Variants in PTPRD observed in about 807,000 individuals in gnomAD.
PTPRD encodes the protein receptor-type tyrosine-protein phosphatase delta.
In PTPRD, 34 loss-of-function variants were observed where a neutral mutation model predicts 214.5. That is an observed-to-expected ratio of 0.16 (90% CI 0.12 to 0.21). PTPRD has a LOEUF of 0.21. Among genes scored for constraint, PTPRD ranks in the 10% least tolerant of loss-of-function variants. The pLI is 1.00. For missense variants in PTPRD, 2,545 were observed against 2,398.7 expected (o/e 1.06, Z -1.27); for synonymous variants, 1,128 against 845.7 (o/e 1.33, Z -5.79).
At position 9,348,974 on chromosome 9, in the gene PTPRD, G is replaced by C. The variant is rs75447980; in HGVS notation, c.-203+48475C>G. On this transcript the variant is annotated intron_variant, in intron 9 of 45. Coordinates refer to ENST00000381196, the MANE Select transcript of PTPRD (RefSeq NM_002839.4). Reference sequence around the variant, plus strand: ...TATTTTAATAGGAAGTAGTGTCTGAGGTTATTGGTATCTATGTATATACAT... The same window carrying C: ...TATTTTAATAGGAAGTAGTGTCTGACGTTATTGGTATCTATGTATATACAT... Among the ~76,000 whole-genome samples the C allele has an allele frequency of 4.7e-3, 708 of 152,064 alleles. 3 individuals are homozygous for C. Among genetic ancestry groups the C allele is most frequent in the African/African-American group, 0.013 (552 of 41,492 alleles).
intron 8 of PTPRD, among the ~76,000 whole-genome samples, chr9:9,402,200 T>G (rs1436632514): frequency 2.0e-5 from 3 of 152,038 alleles, no homozygotes; most frequent in Non-Finnish European, 2.9e-5. Flanking sequence ...AATGCATCCT[T>G]GAAAAAAATA....
At chr9:9,399,217 C>T (rs1010457490) in intron 8 of PTPRD, among the ~76,000 whole-genome samples, 1 of 151,942 alleles carries the variant, frequency 6.6e-6, no homozygotes, top group African/African-American at 2.4e-5. Context: ...GAAGTAAAAA[C>T]TTTAGCATAA....
At chr9:9,535,275 T>C (rs533272429) in intron 8 of PTPRD, among the ~76,000 whole-genome samples, 1 of 152,122 alleles carries the variant, frequency 6.6e-6, no homozygotes, top group Non-Finnish European at 1.5e-5. Context: ...TATTTGCTTT[T>C]AGGTAGAAGT....
intron 5 of PTPRD, among the ~76,000 whole-genome samples, chr9:9,822,955 C>T (rs1318507945): frequency 6.6e-6 from 1 of 152,078 alleles, no homozygotes; most frequent in Admixed American, 6.6e-5. Flanking sequence ...TTCCAGCAAT[C>T]CCACCATTGC....
chr9:9,452,051 C>A (rs898305304), intron 8 of PTPRD, among the ~76,000 whole-genome samples: 4 of 151,312 alleles, frequency 2.6e-5, no homozygotes, highest in African/African-American at 9.7e-5. Context: ...ACCTCACACC[C>A]AGAAAGCCCA....
At chr9:9,431,899 G>A (rs1435831367) in intron 8 of PTPRD, among the ~76,000 whole-genome samples, 1 of 103,270 alleles carries the variant, frequency 9.7e-6, no homozygotes, top group Non-Finnish European at 1.8e-5. Flanking sequence ...ACCGCGGCCT[G>A]TTGTGGGGTG....
At chr9:8,577,223 CTTTTATTT>C (rs773014707) in intron 14 of PTPRD, among the ~76,000 whole-genome samples, 11 of 140,388 alleles carry the variant, frequency 7.8e-5, no homozygotes, top group Non-Finnish European at 1.3e-4. Flanking sequence ...AACTTGAACT[CTTTTATTT>C]TTTATTTGTT....
chr9:9,447,007 A>C (rs550647134), intron 8 of PTPRD, among the ~76,000 whole-genome samples: 1 of 152,212 alleles, frequency 6.6e-6, no homozygotes, highest in Non-Finnish European at 1.5e-5. Context: ...TAAAATGTCA[A>C]TAATATAACA....
At chr9:9,640,095 AG>A (rs901166523) in intron 7 of PTPRD, among the ~76,000 whole-genome samples, 1 of 152,214 alleles carries the variant, frequency 6.6e-6, no homozygotes, top group Non-Finnish European at 1.5e-5. Flanking sequence ...CGAAACTTTC[AG>A]CCCATGTGGG....
intron 3 of PTPRD, among the ~76,000 whole-genome samples, chr9:10,109,390 CAAGTT>C (rs2098668833): frequency 6.6e-6 from 1 of 152,114 alleles, no homozygotes; most frequent in African/African-American, 2.4e-5. Context: ...TAAAAGCTGT[CAAGTT>C]GTTTGCTGTA....
intron 3 of PTPRD, among the ~76,000 whole-genome samples, chr9:10,064,938 C>CA (rs1291055960): frequency 6.6e-6 from 1 of 151,882 alleles, no homozygotes; most frequent in Non-Finnish European, 1.5e-5. Flanking sequence ...TTGACTGCTC[C>CA]ACAGTGACTT....
intron 2 of PTPRD, among the ~76,000 whole-genome samples, chr9:10,369,118 T>C (rs73402275): frequency 0.14 from 21,612 of 152,116 alleles, 1,811 homozygotes; most frequent in African/African-American, 0.23. Context: ...AAAAGATGTA[T>C]AGACTAGTTC....
intron 2 of PTPRD, among the ~76,000 whole-genome samples, chr9:10,408,205 G>C (rs1263838598): frequency 6.6e-6 from 1 of 151,374 alleles, no homozygotes; most frequent in African/African-American, 2.4e-5. Context: ...TAATGATTTT[G>C]GACCAAGAAT....
At chr9:9,921,819 T>G (rs184670538) in intron 5 of PTPRD, among the ~76,000 whole-genome samples, 13 of 152,030 alleles carry the variant, frequency 8.6e-5, no homozygotes, top group African/African-American at 3.1e-4. Flanking sequence ...ATATTATGTG[T>G]CCCACACTGT....
At chr9:9,062,576 CTAT>C (rs2099709547) in intron 10 of PTPRD, among the ~76,000 whole-genome samples, 5 of 151,380 alleles carry the variant, frequency 3.3e-5, no homozygotes, top group Non-Finnish European at 4.4e-5. Context: ...ATCTATCTAT[CTAT>C]CTACCTACCT....
intron 8 of PTPRD, among the ~76,000 whole-genome samples, chr9:9,528,642 G>C (rs1169457285): frequency 6.6e-6 from 1 of 151,936 alleles, no homozygotes; most frequent in East Asian, 1.9e-4. Context: ...TAAAAATAAA[G>C]AAATCACTCC....
intron 8 of PTPRD, among the ~76,000 whole-genome samples, chr9:9,405,643 T>C (rs2072996777): frequency 6.6e-6 from 1 of 152,068 alleles, no homozygotes; most frequent in Non-Finnish European, 1.5e-5. Flanking sequence ...TGTTAGATTA[T>C]TCTTTTTTAA....
chr9:10,599,530 A>T (rs1013018692), intron 2 of PTPRD, among the ~76,000 whole-genome samples: 1 of 151,754 alleles, frequency 6.6e-6, no homozygotes, highest in African/African-American at 2.4e-5. Flanking sequence ...AAACTTGGGG[A>T]CAGGGTGGTT....
chr9:9,740,058 T>C (rs1028825322), intron 6 of PTPRD, among the ~76,000 whole-genome samples: 13 of 152,190 alleles, frequency 8.5e-5, no homozygotes, highest in African/African-American at 3.1e-4. Context: ...GTATTGAAAC[T>C]TGCCTTATGA....
Sources: allele counts gnomAD v4.1 joint callset (sites outside exome capture counted in the v4.1 genomes callset), GRCh38; gene constraint gnomAD v4.1.1; transcripts MANE v1.5; gene names NCBI Gene and HGNC (gene_info 2026-07-23, HGNC 2026-07-21).